Variants in PYM1 observed in about 807,000 individuals in gnomAD.
PYM1 encodes the protein partner of Y14 and mago.
A neutral mutation model predicts 20.7 loss-of-function variants in PYM1; 7 were observed. The observed-to-expected ratio is 0.34, with a 90% CI of 0.19 to 0.64. The LOEUF (loss-of-function observed/expected upper bound fraction) is 0.64. Among genes scored for constraint, PYM1 ranks in the 30% least tolerant of loss-of-function variants. The pLI is 0.74. For synonymous variants in PYM1, 100 were observed against 99.2 expected (o/e 1.01, Z -0.05); for missense variants, 194 against 250.0 (o/e 0.78, Z 1.51).
chr12:55,909,585 A>T (rs1882885391), intron 1 of PYM1, among the ~76,000 whole-genome samples: 1 of 138,046 alleles, frequency 7.2e-6, no homozygotes, highest in Non-Finnish European at 1.5e-5. Context: ...GTGACTTGGA[A>T]AAAAAAAAAA....
rs1254960792 is a variant in PYM1 at position 55,905,840 on chromosome 12, GATATATATATTAT to G, written c.38-2373_38-2361del. Among the ~76,000 whole-genome samples, 147 of 110,142 alleles carry G rather than the reference GATATATATATTAT, an allele frequency of 1.3e-3. 3 individuals are homozygous for G. Among genetic ancestry groups the G allele is most frequent in the Non-Finnish European group, 1.2e-3 (69 of 56,688 alleles). 72.3% of individuals were successfully genotyped at this position (110,142 alleles called of 152,430 possible). Reference sequence around the variant, plus strand: ...AAATTCTAATTTTCTATATATATTAGATATATATATTATATATTAGATATATATATATCTATTA... The same window carrying G: ...AAATTCTAATTTTCTATATATATTAGATATTAGATATATATATATCTATTA... On this transcript the variant is annotated intron_variant, in intron 1 of 2. Coordinates refer to ENST00000408946, the MANE Select transcript of PYM1 (RefSeq NM_032345.3).
At chr12:55,924,042 C>T (rs1883147322) in intron 1 of PYM1, among the ~76,000 whole-genome samples, 2 of 151,454 alleles carry the variant, frequency 1.3e-5, no homozygotes, top group Admixed American at 1.3e-4. Flanking sequence ...CGCTACTGCA[C>T]TCCAGCCTGG....
At chr12:55,917,658 G>A (rs907485852) in intron 1 of PYM1, among the ~76,000 whole-genome samples, 3 of 151,874 alleles carry the variant, frequency 2.0e-5, no homozygotes, top group East Asian at 2.0e-4. Context: ...AGGCGGGCAC[G>A]GGTTTAAAAA....
At chr12:55,916,768 A>C (rs540029800) in intron 1 of PYM1, among the ~76,000 whole-genome samples, 3 of 152,126 alleles carry the variant, frequency 2.0e-5, no homozygotes, top group Admixed American at 6.5e-5. Flanking sequence ...ATTGCACTCC[A>C]CAGCCTGGGC....
chr12:55,919,615 G>A (rs908677387), intron 1 of PYM1, among the ~76,000 whole-genome samples: 2 of 152,028 alleles, frequency 1.3e-5, no homozygotes, highest in African/African-American at 4.8e-5. Context: ...ACTAGGCTGG[G>A]GGCCAGGCAT....
chr12:55,917,824 G>T (rs1184017083), intron 1 of PYM1, among the ~76,000 whole-genome samples: 1 of 152,106 alleles, frequency 6.6e-6, no homozygotes, highest in African/African-American at 2.4e-5. Context: ...GCCGGTCATG[G>T]TGGTGCATGC....
chr12:55,914,509 A>G, intron 1 of PYM1: 1 of 618,114 alleles, frequency 1.6e-6, no homozygotes, highest in East Asian at 2.7e-5. Context: ...TTTAATTCTC[A>G]ATCTATTTCC....
chr12:55,903,537 T>G, intron 1 of PYM1, 57 bp from the exon 2 acceptor site: 2 of 1,552,128 alleles, frequency 1.3e-6, no homozygotes, highest in Non-Finnish European at 1.8e-6. Flanking sequence ...TTTTACAAGA[T>G]GAGACAAGAA....
chr12:55,927,292 C>T (rs1299912820), intron 1 of PYM1: 2 of 956,332 alleles, frequency 2.1e-6, no homozygotes, highest in Admixed American at 2.0e-5. Flanking sequence ...AAAATAAAGC[C>T]GTGGGCTTTT....
At chr12:55,902,397 G>A (rs199709262) in intron 2 of PYM1, 42 bp from the exon 3 acceptor site, 2 of 1,561,768 alleles carry the variant, frequency 1.3e-6, no homozygotes, top group Non-Finnish European at 8.6e-7. Flanking sequence ...GAGAATTACT[G>A]ACTTTTTGAT....
chr12:55,914,981 C>T (rs191572962), intron 1 of PYM1, among the ~76,000 whole-genome samples: 1 of 151,286 alleles, frequency 6.6e-6, no homozygotes, highest in African/African-American at 2.4e-5. Context: ...TTTGGGAGGC[C>T]GAGGTGGGTG....
chr12:55,926,739 G>A (rs1260977226), intron 1 of PYM1, among the ~76,000 whole-genome samples: 1 of 152,150 alleles, frequency 6.6e-6, no homozygotes, highest in South Asian at 2.1e-4. Flanking sequence ...GCAGGAACTG[G>A]AGGGAAATGA....
intron 1 of PYM1, among the ~76,000 whole-genome samples, chr12:55,905,876 T>TTAGATATATATATATCTAA (rs1565714412): frequency 0.11 from 8,924 of 77,784 alleles, 1,919 homozygotes; most frequent in South Asian, 0.19. Flanking sequence ...TATATATCTA[T>TTAGATATATATATATCTAA]TAGATATATA....
chr12:55,902,019 G>C lies in PYM1; in HGVS notation c.468C>G (p.Asn156Lys). 2 of 1,614,014 alleles carry C rather than the reference G, an allele frequency of 1.2e-6. No homozygotes were observed. The highest frequency in any genetic ancestry group is 1.7e-6 in the Non-Finnish European group (2 of 1,180,006). ...ATTEKAKKIK[N>K]LKKKLRQVEE... is the part of the protein sequence containing the mutation. ...CCACCTGCCGGAGTTTCTTCTTTAG[G>C]TTCTTTATCTTCTTGGCTTTCTCAG... The change falls in exon 3 of 3, where the codon AAC becomes AAG. Residue 156 changes from asparagine (N) to lysine (K), a missense_variant. Asn to Lys is a moderately conservative substitution (Grantham distance 94, BLOSUM62 0). Transcript: ENST00000408946.
chr12:55,917,486 T>C (rs1883027903), intron 1 of PYM1, among the ~76,000 whole-genome samples: 1 of 152,046 alleles, frequency 6.6e-6, no homozygotes, highest in African/African-American at 2.4e-5. Context: ...AGCAAAATAA[T>C]GTCCTTTGTA....
intron 1 of PYM1, chr12:55,913,943 T>A (rs924170087): frequency 5.3e-6 from 1 of 188,458 alleles, no homozygotes; most frequent in East Asian, 1.3e-4. Flanking sequence ...TACATTCTAG[T>A]GAGAAAGATA....
At chr12:55,903,761 T>C (rs552211669) in intron 1 of PYM1, among the ~76,000 whole-genome samples, 5 of 151,492 alleles carry the variant, frequency 3.3e-5, no homozygotes, top group African/African-American at 1.2e-4. Flanking sequence ...ACCAAGGCAA[T>C]AGCATGGGAA....
intron 1 of PYM1, among the ~76,000 whole-genome samples, chr12:55,912,061 G>A (rs1270541827): frequency 2.6e-5 from 4 of 151,978 alleles, no homozygotes; most frequent in Non-Finnish European, 4.4e-5. Flanking sequence ...TGAAAATAAT[G>A]TGCAAGGCAG....
At chr12:55,916,458 T>C (rs1329092326) in intron 1 of PYM1, among the ~76,000 whole-genome samples, 2 of 152,140 alleles carry the variant, frequency 1.3e-5, no homozygotes, top group Admixed American at 1.3e-4. Flanking sequence ...CAGCCCAGTT[T>C]CACTAGAGGG....
Sources: gnomAD v4.1 joint callset for allele counts (sites outside exome capture counted in the v4.1 genomes callset) on GRCh38, gnomAD v4.1.1 for gene constraint, MANE v1.5 for transcripts, NCBI Gene and HGNC (gene_info 2026-07-23, HGNC 2026-07-21) for gene names.